CLGN: variants seen among roughly 807,000 people sequenced by gnomAD.
CLGN encodes the protein calmegin.
A neutral mutation model predicts 79.1 loss-of-function variants in CLGN; 62 were observed. The observed-to-expected ratio is 0.78, with a 90% CI of 0.64 to 0.97. The LOEUF (loss-of-function observed/expected upper bound fraction) is 0.97. Ranked by LOEUF, CLGN falls within the 50% of genes least tolerant of loss-of-function variation. The pLI is 0.00. For synonymous variants in CLGN, 225 were observed against 224.7 expected (o/e 1.00, Z -0.01); for missense variants, 647 against 715.5 (o/e 0.90, Z 1.09).
Position 140,389,235 on chromosome 4 carries a change from G to T in CLGN, c.1822C>A (p.Arg608=). ...PIKSVRKRRV[R]KD is the part of the protein sequence containing the mutation. ...TATTTCAATCTAGTTTAGTCCTTTC[G>T]TACTCTTCTTTTGCGTACTGACTTT... The change falls in exon 15 of 15, where the codon CGA becomes AGA. Residue 608 remains arginine, a synonymous_variant. Transcript: ENST00000325617. 7 of 1,611,810 alleles carry T rather than the reference G, an allele frequency of 4.3e-6. No homozygotes were observed. Among genetic ancestry groups the T allele is most frequent in the Non-Finnish European group, 5.9e-6 (7 of 1,178,472 alleles).
At chr4:140,391,335 C>T (rs1300523201) in intron 13 of CLGN, among the ~76,000 whole-genome samples, 2 of 151,744 alleles carry the variant, frequency 1.3e-5, no homozygotes, top group African/African-American at 4.8e-5. Flanking sequence ...TACCTTTATA[C>T]AAGCAGGCCC....
At chr4:140,405,581 C>A (rs978746708) in intron 5 of CLGN, among the ~76,000 whole-genome samples, 10 of 152,106 alleles carry the variant, frequency 6.6e-5, no homozygotes, top group Non-Finnish European at 1.3e-4. Context: ...GTATATATCA[C>A]ATAATTTTTA....
chr4:140,395,762 T>C (rs969985571), intron 10 of CLGN, 57 bp downstream of exon 10: 34 of 1,314,544 alleles, frequency 2.6e-5, no homozygotes, highest in African/African-American at 1.2e-4. Flanking sequence ...GATATTTAAA[T>C]AGAAAAGATC....
rs772422208 is a variant in CLGN at position 140,409,820 on chromosome 4, TTAAA to T, written c.277+13_277+16del. On this transcript the variant is annotated intron_variant, in intron 4 of 14. Transcript: ENST00000325617. ...AGGCCATACTGGTTATATCTAATAC[TTAAA>T]TAAATATTTTACCATCGTATATTGA... 1 of 1,528,758 alleles carries T rather than the reference TTAAA, an allele frequency of 6.5e-7. No homozygotes were observed. The highest frequency in any genetic ancestry group is 9.0e-7 in the Non-Finnish European group (1 of 1,110,152). 94.7% of individuals were successfully genotyped at this position (1,528,758 alleles called of 1,614,324 possible).
intron 5 of CLGN, among the ~76,000 whole-genome samples, chr4:140,404,548 C>T (rs977152221): frequency 5.3e-5 from 8 of 151,898 alleles, no homozygotes; most frequent in African/African-American, 1.9e-4. Flanking sequence ...TTTTATTTAC[C>T]CCATTTCATT....
At position 140,418,868 on chromosome 4, in the gene CLGN, A is replaced by T. The variant is rs540950618; in HGVS notation, c.-9-5781T>A. Among the ~76,000 whole-genome samples, 494 of 152,166 alleles carry T rather than the reference A, an allele frequency of 3.2e-3. 5 individuals carry two copies. The highest frequency in any genetic ancestry group is 0.011 in the African/African-American group (466 of 41,488). On this transcript the variant is annotated intron_variant, in intron 1 of 14. Coordinates refer to ENST00000325617, the MANE Select transcript of CLGN (RefSeq NM_004362.3). ...CCATTACTGGGTATATACCCAAAGG[A>T]CTCTAAATCATGCTGCTATAAAGAC...
intron 6 of CLGN, among the ~76,000 whole-genome samples, chr4:140,401,596 A>C (rs1001107324): frequency 6.6e-6 from 1 of 152,140 alleles, no homozygotes; most frequent in Non-Finnish European, 1.5e-5. Flanking sequence ...GTGGGTTGCT[A>C]ACCCCTTTTA....
chr4:140,418,056 C>G (rs1402154290), intron 1 of CLGN, among the ~76,000 whole-genome samples: 2 of 151,814 alleles, frequency 1.3e-5, no homozygotes, highest in Non-Finnish European at 2.9e-5. Context: ...CGCATATCTA[C>G]AACTATCTGA....
At chr4:140,399,436 T>C (rs1003190254) in intron 7 of CLGN, among the ~76,000 whole-genome samples, 4 of 152,240 alleles carry the variant, frequency 2.6e-5, no homozygotes, top group African/African-American at 4.8e-5. Flanking sequence ...TATTCTGTTC[T>C]AGTAATATTT....
chr4:140,396,234 T>C lies in CLGN; in HGVS notation c.885-29A>G, dbSNP rs374979081. 3.3e-6 allele frequency: 5 copies of C among 1,520,316 alleles called. No homozygotes were observed. In the African/African-American group the frequency reaches 5.5e-5, roughly 17 times the overall value. 94.2% of individuals were successfully genotyped at this position (1,520,316 alleles called of 1,614,324 possible). A position where few individuals can be genotyped will look rare whatever the true frequency, so the allele number is the denominator to read the frequency against. On this transcript the variant is annotated intron_variant, in intron 8 of 14. Transcript: ENST00000325617. Reference sequence around the variant, plus strand: ...TAAATACAACGTTTTATATTACTAATTATTCAGAAAGTTTAAAAATGCATG... The same window carrying C: ...TAAATACAACGTTTTATATTACTAACTATTCAGAAAGTTTAAAAATGCATG...
chr4:140,405,102 G>T, intron 5 of CLGN, among the ~76,000 whole-genome samples: 1 of 151,026 alleles, frequency 6.6e-6, no homozygotes, highest in Non-Finnish European at 1.5e-5. Context: ...CTTATCACTG[G>T]TTTAATAGCA....
At position 140,389,069 on chromosome 4, in the gene CLGN, C is replaced by A; in HGVS notation, c.*155G>T. On this transcript the variant is annotated 3_prime_UTR_variant, in exon 15 of 15. Coordinates refer to ENST00000325617, the MANE Select transcript of CLGN (RefSeq NM_004362.3). ...GTAACTTCAAAGTTGCTTCTTTTTC[C>A]TCTGAAATGAAGGACTAAAATAAAT... is the stretch of plus-strand genomic sequence containing the variant. 1 of 605,556 alleles carries A rather than the reference C, an allele frequency of 1.7e-6. No individual in the cohort carries two copies. Among genetic ancestry groups the A allele is most frequent in the Non-Finnish European group, 2.8e-6 (1 of 351,440 alleles). 37.5% of individuals were successfully genotyped at this position (605,556 alleles called of 1,614,324 possible). A position where few individuals can be genotyped will look rare whatever the true frequency, so the allele number is the denominator to read the frequency against.
At chr4:140,423,528 A>G (rs1344747540) in intron 1 of CLGN, among the ~76,000 whole-genome samples, 3 of 152,220 alleles carry the variant, frequency 2.0e-5, no homozygotes, top group Non-Finnish European at 4.4e-5. Context: ...TAACAGGGTT[A>G]TGCTGGCTTC....
intron 8 of CLGN, among the ~76,000 whole-genome samples, chr4:140,397,393 G>A (rs1728910549): frequency 6.6e-6 from 1 of 150,898 alleles, no homozygotes; most frequent in Non-Finnish European, 1.5e-5. Flanking sequence ...TTAGCTCTCT[G>A]TCAGCTATAT....
chr4:140,420,820 G>T lies in CLGN; in HGVS notation c.-10+6717C>A, dbSNP rs4379131. ...GTCAGATGCTGGGGTAATACTACAAGAAAATGAAGTAGTTAATTTATGCAT... is the reference window on the plus strand; with the variant it reads ...GTCAGATGCTGGGGTAATACTACAATAAAATGAAGTAGTTAATTTATGCAT... On this transcript the variant is annotated intron_variant, in intron 1 of 14. Transcript: ENST00000325617. Among the ~76,000 whole-genome samples, 772 of 152,228 alleles carry T rather than the reference G, an allele frequency of 5.1e-3. 2 individuals are homozygous for T. Among genetic ancestry groups the T allele is most frequent in the South Asian group, 0.023 (110 of 4,828 alleles).
intron 1 of CLGN, among the ~76,000 whole-genome samples, chr4:140,417,961 G>T (rs1362856813): frequency 6.6e-6 from 1 of 152,022 alleles, no homozygotes; most frequent in African/African-American, 2.4e-5. Context: ...ATACTACAAG[G>T]CTACAGTAAC....
chr4:140,390,509 T>A (rs1361763618), intron 14 of CLGN, 119 bp downstream of exon 14: 6 of 548,518 alleles, frequency 1.1e-5, no homozygotes, highest in Non-Finnish European at 1.9e-5. Context: ...ATATAGAGGC[T>A]CTTATAAAAG....
chr4:140,420,479 T>C (rs1315506309), intron 1 of CLGN, among the ~76,000 whole-genome samples: 4 of 151,848 alleles, frequency 2.6e-5, no homozygotes, highest in African/African-American at 9.7e-5. Flanking sequence ...AAACAGAGAG[T>C]TTTAAAGAAC....
intron 8 of CLGN, among the ~76,000 whole-genome samples, chr4:140,396,528 T>C (rs1013964904): frequency 3.3e-5 from 5 of 152,048 alleles, no homozygotes; most frequent in Non-Finnish European, 5.9e-5. Context: ...ATGCTTACTA[T>C]GTGTCAAGAC....
Sources: allele counts gnomAD v4.1 joint callset (sites outside exome capture counted in the v4.1 genomes callset), GRCh38; gene constraint gnomAD v4.1.1; transcripts MANE v1.5; gene names NCBI Gene and HGNC (gene_info 2026-07-23, HGNC 2026-07-21).